Variants in CDC73 observed in about 807,000 individuals in gnomAD.
The protein encoded by CDC73 is cell division cycle 73, also known as parafibromin.
A neutral mutation model predicts 83.7 loss-of-function variants in CDC73; 21 were observed. The observed-to-expected ratio is 0.25, with a 90% CI of 0.18 to 0.36. CDC73 has a LOEUF of 0.36. Among genes scored for constraint, CDC73 ranks in the 10% least tolerant of loss-of-function variants. The pLI is 1.00. For synonymous variants in CDC73, 224 were observed against 212.9 expected, an observed-to-expected ratio of 1.05 and a Z score of -0.45; for missense variants, 342 against 653.3, an observed-to-expected ratio of 0.52 and a Z score of 5.19.
chr1:193,151,298 G>T (rs2103132864), intron 9 of CDC73, among the ~76,000 whole-genome samples: 1 of 152,224 alleles, frequency 6.6e-6, no homozygotes, highest in South Asian at 2.1e-4. Flanking sequence ...TCATTCAGTT[G>T]TTAAAGGCAT....
intron 15 of CDC73, among the ~76,000 whole-genome samples, chr1:193,243,823 A>G (rs1307410889): frequency 1.3e-5 from 2 of 152,206 alleles, no homozygotes; most frequent in Non-Finnish European, 2.9e-5. Context: ...TATAAAAGCA[A>G]ATAAATTAGA....
chr1:193,197,294 C>T (rs1296045295), intron 10 of CDC73, among the ~76,000 whole-genome samples: 1 of 151,950 alleles, frequency 6.6e-6, no homozygotes, highest in Non-Finnish European at 1.5e-5. Flanking sequence ...GAATGAATCC[C>T]ATTAGGTCAT....
In CDC73 at chr1:193,135,275, C is replaced by T. The variant is rs563211268; in HGVS notation, c.308-116C>T. ...AGCTGCTTTAAAACTGAATTTTTTA[C>T]CTAGAGAAAATCACCATATAGAAGT... On this transcript the variant is annotated intron_variant, in intron 3 of 16. Transcript: ENST00000367435. 7 of 818,672 alleles carry T rather than the reference C, an allele frequency of 8.6e-6. No homozygotes were observed. In the South Asian group the frequency reaches 9.2e-5, roughly 11 times the overall value. The allele number at this position is 818,672 out of a possible 1,614,324, so 50.7% of individuals were successfully genotyped here. A position where few individuals can be genotyped will look rare whatever the true frequency, so the allele number is the denominator to read the frequency against.
chr1:193,148,166 A>C (rs1004727145), intron 8 of CDC73, among the ~76,000 whole-genome samples: 16 of 152,230 alleles, frequency 1.1e-4, no homozygotes, highest in African/African-American at 3.9e-4. Context: ...TGGAGCAGTA[A>C]TTCTTAATAT....
At chr1:193,122,414 C>G (rs935546641) in intron 1 of CDC73, 83 bp downstream of exon 1, 2 of 1,561,112 alleles carry the variant, frequency 1.3e-6, no homozygotes, top group Non-Finnish European at 1.8e-6. Context: ...CCCCTCCCCC[C>G]GTTTCCCCTG....
At chr1:193,152,021 G>C (rs1400279646) in intron 9 of CDC73, among the ~76,000 whole-genome samples, 1 of 152,062 alleles carries the variant, frequency 6.6e-6, no homozygotes, top group Non-Finnish European at 1.5e-5. Context: ...TTATAACTTT[G>C]GGTCTTTTCA....
intron 10 of CDC73, among the ~76,000 whole-genome samples, chr1:193,198,473 A>G (rs910784573): frequency 6.6e-6 from 1 of 152,232 alleles, no homozygotes; most frequent in African/African-American, 2.4e-5. Context: ...GGATGCAACA[A>G]TAAGACATCA....
chr1:193,160,406 A>C (rs1028975869), intron 10 of CDC73, among the ~76,000 whole-genome samples: 4 of 152,100 alleles, frequency 2.6e-5, no homozygotes, highest in Non-Finnish European at 4.4e-5. Context: ...ACCAGTTTGG[A>C]AATATATTTT....
At chr1:193,205,597 A>AGAGGAGT (rs1308230431) in intron 11 of CDC73, among the ~76,000 whole-genome samples, 44 of 152,112 alleles carry the variant, frequency 2.9e-4, no homozygotes, top group Admixed American at 2.7e-3. Flanking sequence ...GGTGTGGAAA[A>AGAGGAGT]GAGGAGTGCT....
rs143196337 is a variant in CDC73 at position 193,161,545 on chromosome 1, CTTTA to C, written c.972+9107_972+9110del. Among the ~76,000 whole-genome samples, 227 of 131,422 alleles carry C rather than the reference CTTTA, an allele frequency of 1.7e-3. 1 individual carries two copies. The highest frequency in any genetic ancestry group is 4.0e-3 in the African/African-American group (139 of 35,096). The allele number at this position is 131,422 out of a possible 152,430, so 86.2% of individuals were successfully genotyped here. ...TTATTTTGAAATCAAGTCAATTTAA[CTTTA>C]TTTATACACACGCATATATATATTA... is the stretch of plus-strand genomic sequence containing the variant. On this transcript the variant is annotated intron_variant, in intron 10 of 16. Coordinates refer to ENST00000367435, the MANE Select transcript of CDC73 (RefSeq NM_024529.5).
rs1227712354 is a variant in CDC73 at position 193,252,461 on chromosome 1, T to C, written c.*1749T>C. The C allele has an allele frequency of 8.7e-6, 2 of 229,916 alleles. No homozygotes were observed. The highest frequency in any genetic ancestry group is 6.2e-5 in the East Asian group (1 of 16,112). 14.2% of individuals were successfully genotyped at this position (229,916 alleles called of 1,614,324 possible). On this transcript the variant is annotated 3_prime_UTR_variant, in exon 17 of 17. Transcript: ENST00000367435. The stretch of plus-strand genomic sequence containing the variant: ...ACTACCTTCCCATAAAGATTTTTGG[T>C]ATTTGTACTTATTTATGAACTTTAC...
At chr1:193,172,237 CTTTT>C (rs36004862) in intron 10 of CDC73, among the ~76,000 whole-genome samples, 4 of 134,360 alleles carry the variant, frequency 3.0e-5, no homozygotes, top group Non-Finnish European at 4.8e-5. Context: ...TTTTTGGTAC[CTTTT>C]TTTTTTTTTT....
chr1:193,167,010 T>G (rs1490985040), intron 10 of CDC73, among the ~76,000 whole-genome samples: 1 of 152,220 alleles, frequency 6.6e-6, no homozygotes, highest in Non-Finnish European at 1.5e-5. Flanking sequence ...CAAAATTGAT[T>G]GCAAATTCAT....
chr1:193,231,623 G>A (rs1677664308), intron 13 of CDC73, among the ~76,000 whole-genome samples: 1 of 152,002 alleles, frequency 6.6e-6, no homozygotes, highest in Admixed American at 6.6e-5. Flanking sequence ...GATTATCTGG[G>A]GGAAATTTTT....
intron 10 of CDC73, among the ~76,000 whole-genome samples, chr1:193,167,270 A>C (rs747637598): frequency 6.6e-6 from 1 of 152,188 alleles, no homozygotes; most frequent in Non-Finnish European, 1.5e-5. Flanking sequence ...GTACTTCATT[A>C]GTGTTTTCTG....
intron 10 of CDC73, among the ~76,000 whole-genome samples, chr1:193,196,345 T>C (rs931628454): frequency 6.6e-6 from 1 of 152,188 alleles, no homozygotes; most frequent in Non-Finnish European, 1.5e-5. Context: ...TTAATCTGTA[T>C]GTCTGTCTTT....
chr1:193,166,282 C>T (rs1407024298), intron 10 of CDC73, among the ~76,000 whole-genome samples: 2 of 152,196 alleles, frequency 1.3e-5, no homozygotes, highest in African/African-American at 4.8e-5. Flanking sequence ...CTGCTCCCAC[C>T]TCAGCTGGGA....
intron 15 of CDC73, among the ~76,000 whole-genome samples, chr1:193,237,778 A>G (rs2102063350): frequency 6.6e-6 from 1 of 152,316 alleles, no homozygotes; most frequent in Non-Finnish European, 1.5e-5. Context: ...TGAGTGGCCC[A>G]GTCCCCTAGC....
intron 10 of CDC73, among the ~76,000 whole-genome samples, chr1:193,195,251 C>T (rs887279638): frequency 1.3e-5 from 2 of 152,134 alleles, no homozygotes; most frequent in Non-Finnish European, 2.9e-5. Context: ...GTCACAAACC[C>T]ACACAGAATT....
Sources: allele counts gnomAD v4.1 joint callset (sites outside exome capture counted in the v4.1 genomes callset), GRCh38; gene constraint gnomAD v4.1.1; transcripts MANE v1.5; gene names NCBI Gene and HGNC (gene_info 2026-07-23, HGNC 2026-07-21).